Variants in SORCS1 observed in about 807,000 individuals in gnomAD.
SORCS1 encodes VPS10 domain-containing receptor SorCS1.
SORCS1 carries 60 observed loss-of-function variants against 146.1 expected under a neutral mutation model. The ratio of observed to expected loss-of-function variants is 0.41; its 90% CI spans 0.33 to 0.51. The LOEUF (loss-of-function observed/expected upper bound fraction) is 0.51. SORCS1 is among the 20% of genes least tolerant of loss of function. SORCS1 has a pLI of 0.21. For synonymous variants in SORCS1, 637 were observed against 584.0 expected (o/e 1.09, Z -1.31); for missense variants, 1,352 against 1,487.6 (o/e 0.91, Z 1.50).
At chr10:106,693,947 T>C (rs1309384872) in intron 9 of SORCS1, among the ~76,000 whole-genome samples, 1 of 152,086 alleles carries the variant, frequency 6.6e-6, no homozygotes, top group African/African-American at 2.4e-5. Context: ...ACCCTCTCAG[T>C]CTCAGACTTA....
At chr10:107,066,654 TG>T (rs1257109880) in intron 1 of SORCS1, among the ~76,000 whole-genome samples, 1 of 152,204 alleles carries the variant, frequency 6.6e-6, no homozygotes, top group Admixed American at 6.5e-5. Flanking sequence ...TATACTTTGT[TG>T]TAGTAATTTA....
intron 1 of SORCS1, among the ~76,000 whole-genome samples, chr10:107,129,666 A>C (rs1266807953): frequency 1.3e-5 from 2 of 152,234 alleles, no homozygotes; most frequent in Non-Finnish European, 2.9e-5. Context: ...CTTACATTCC[A>C]AAGGCTTCTT....
At chr10:107,002,885 T>C (rs1957276280) in intron 1 of SORCS1, among the ~76,000 whole-genome samples, 1 of 152,234 alleles carries the variant, frequency 6.6e-6, no homozygotes, top group Non-Finnish European at 1.5e-5. Context: ...GAGTTGTTAC[T>C]GAGATTCCAT....
intron 6 of SORCS1, among the ~76,000 whole-genome samples, chr10:106,712,457 T>A (rs1445355988): frequency 6.6e-6 from 1 of 152,186 alleles, no homozygotes; most frequent in Non-Finnish European, 1.5e-5. Context: ...AATGTAACTT[T>A]CTCAAGTTTG....
intron 2 of SORCS1, among the ~76,000 whole-genome samples, chr10:106,835,337 G>T (rs2137066393): frequency 6.6e-6 from 1 of 152,232 alleles, no homozygotes; most frequent in East Asian, 1.9e-4. Context: ...ACAATGATTG[G>T]CACAGAAGCA....
chr10:106,887,607 TAAAA>T (rs964117988), intron 2 of SORCS1, among the ~76,000 whole-genome samples: 1 of 151,992 alleles, frequency 6.6e-6, no homozygotes, highest in African/African-American at 2.4e-5. Flanking sequence ...AACCTCCTAA[TAAAA>T]AAGCATATAT....
At chr10:106,774,171 G>T (rs186739053) in intron 4 of SORCS1, among the ~76,000 whole-genome samples, 1 of 152,208 alleles carries the variant, frequency 6.6e-6, no homozygotes, top group Admixed American at 6.5e-5. Flanking sequence ...GGTCACAAAG[G>T]GTACCTTTTG....
intron 1 of SORCS1, among the ~76,000 whole-genome samples, chr10:107,163,228 G>C (rs1392165647): frequency 6.6e-6 from 1 of 152,122 alleles, no homozygotes; most frequent in South Asian, 2.1e-4. Flanking sequence ...ATTAGAGGAG[G>C]TCAGGCAATG....
chr10:107,151,653 G>A (rs556988470), intron 1 of SORCS1, among the ~76,000 whole-genome samples: 178 of 152,264 alleles, frequency 1.2e-3, no homozygotes, highest in Non-Finnish European at 1.7e-3. Context: ...GGAATTCTGG[G>A]AGATACAATT....
chr10:106,624,140 A>G (rs1847928602), intron 19 of SORCS1, among the ~76,000 whole-genome samples: 1 of 152,072 alleles, frequency 6.6e-6, no homozygotes, highest in African/African-American at 2.4e-5. Flanking sequence ...TGAAAGTGTG[A>G]TGATGGAAGA....
At chr10:106,889,286 A>G (rs2137852574) in intron 2 of SORCS1, among the ~76,000 whole-genome samples, 1 of 152,238 alleles carries the variant, frequency 6.6e-6, no homozygotes, top group Non-Finnish European at 1.5e-5. Flanking sequence ...CTCTCTTTTC[A>G]GCACAGCACC....
intron 2 of SORCS1, among the ~76,000 whole-genome samples, chr10:106,858,826 T>C (rs73374953): frequency 0.035 from 5,360 of 152,246 alleles, 231 homozygotes; most frequent in East Asian, 0.13. Context: ...TTCATCTTTT[T>C]AGGAGCAAAT....
intron 17 of SORCS1, 45 bp from the exon 18 acceptor site, chr10:106,652,598 T>G (rs1000349654): frequency 2.1e-5 from 34 of 1,593,170 alleles, no homozygotes; most frequent in Non-Finnish European, 2.6e-5. Context: ...CATTATAATG[T>G]GAATCATTCC....
intron 6 of SORCS1, among the ~76,000 whole-genome samples, chr10:106,729,470 T>G (rs1856444373): frequency 6.6e-6 from 1 of 151,692 alleles, no homozygotes; most frequent in African/African-American, 2.4e-5. Context: ...TCTTTCCAAG[T>G]GTTTTGTGAA....
chr10:106,786,586 GCTATTGGT>G (rs1946063717), intron 3 of SORCS1, among the ~76,000 whole-genome samples: 1 of 152,008 alleles, frequency 6.6e-6, no homozygotes, highest in Non-Finnish European at 1.5e-5. Context: ...TTTGCCACAT[GCTATTGGT>G]CAAAGAATTC....
intron 1 of SORCS1, among the ~76,000 whole-genome samples, chr10:107,119,324 T>TTA (rs1235094529): frequency 1.3e-5 from 2 of 152,220 alleles, no homozygotes; most frequent in African/African-American, 4.8e-5. Context: ...ATGGTGGCCC[T>TTA]TTGTACATTT....
chr10:106,934,359 G>A (rs939189792), intron 2 of SORCS1, among the ~76,000 whole-genome samples: 17 of 152,070 alleles, frequency 1.1e-4, no homozygotes, highest in East Asian at 3.9e-4. Flanking sequence ...CGGGGTTCAC[G>A]TCATTCTCCT....
intron 1 of SORCS1, among the ~76,000 whole-genome samples, chr10:107,013,016 T>C (rs898707692): frequency 6.6e-6 from 1 of 152,172 alleles, no homozygotes; most frequent in African/African-American, 2.4e-5. Context: ...TGTCAATGTG[T>C]CCAATTTTCT....
At chr10:106,957,982 A>C (rs1955043421) in intron 1 of SORCS1, among the ~76,000 whole-genome samples, 1 of 152,202 alleles carries the variant, frequency 6.6e-6, no homozygotes, top group South Asian at 2.1e-4. Flanking sequence ...AGAAAAGGGA[A>C]GTTGATAAAG....
Sources: allele counts gnomAD v4.1 joint callset (sites outside exome capture counted in the v4.1 genomes callset), GRCh38; gene constraint gnomAD v4.1.1; transcripts MANE v1.5; gene names NCBI Gene and HGNC (gene_info 2026-07-23, HGNC 2026-07-21).